Variants in EPHB1 observed in about 807,000 individuals in gnomAD.
EPHB1 encodes ephrin type-B receptor 1.
Under a neutral mutation model 94.4 loss-of-function variants are expected in EPHB1, and 30 were observed. That is an observed-to-expected ratio of 0.32 (90% CI 0.24 to 0.43). The LOEUF is 0.43. Ranked by LOEUF, EPHB1 falls within the 20% of genes least tolerant of loss-of-function variation. The pLI is 1.00. For synonymous variants in EPHB1, 522 were observed against 489.1 expected, an observed-to-expected ratio of 1.07 and a Z score of -0.89; for missense variants, 1,055 against 1,308.3, an observed-to-expected ratio of 0.81 and a Z score of 2.99.
intron 3 of EPHB1, among the ~76,000 whole-genome samples, chr3:135,015,861 A>G (rs1189043682): frequency 6.6e-6 from 1 of 152,160 alleles, no homozygotes; most frequent in Non-Finnish European, 1.5e-5. Context: ...CCACACATAG[A>G]GAAGTGGGAA....
chr3:134,988,518 C>A lies in EPHB1; in HGVS notation c.805+36466C>A, dbSNP rs922526909. Among the ~76,000 whole-genome samples the A allele has an allele frequency of 2.6e-5, 4 of 151,858 alleles. 1 individual carries two copies. Among genetic ancestry groups the A allele is most frequent in the Non-Finnish European group, 5.9e-5 (4 of 67,970 alleles). Reference sequence around the variant, plus strand: ...AATTGTGTCTTGAAATGCTAACGGCCCTAATAAGAGCATCCACAGTAAATG... The same window carrying A: ...AATTGTGTCTTGAAATGCTAACGGCACTAATAAGAGCATCCACAGTAAATG... On this transcript the variant is annotated intron_variant, in intron 3 of 15. Coordinates refer to ENST00000398015, the MANE Select transcript of EPHB1 (RefSeq NM_004441.5).
At chr3:135,065,795 G>A (rs114899942) in intron 3 of EPHB1, among the ~76,000 whole-genome samples, 5,952 of 152,256 alleles carry the variant, frequency 0.039, 162 homozygotes, top group East Asian at 0.14. Context: ...TATAGGTTCT[G>A]TGAGATTTAT....
At chr3:134,999,669 G>T (rs1935112296) in intron 3 of EPHB1, among the ~76,000 whole-genome samples, 2 of 152,200 alleles carry the variant, frequency 1.3e-5, no homozygotes, top group South Asian at 4.1e-4. Context: ...TTATGAAGAA[G>T]GAAAAAGAAG....
At chr3:135,190,045 C>A (rs1481564277) in intron 10 of EPHB1, among the ~76,000 whole-genome samples, 1 of 152,198 alleles carries the variant, frequency 6.6e-6, no homozygotes, top group Non-Finnish European at 1.5e-5. Flanking sequence ...CATGTCCCTG[C>A]CAACTGAAAC....
intron 3 of EPHB1, among the ~76,000 whole-genome samples, chr3:134,986,743 C>T (rs1477049710): frequency 6.6e-6 from 1 of 151,638 alleles, no homozygotes; most frequent in Non-Finnish European, 1.5e-5. Context: ...CACACACACA[C>T]ATCCCAAACA....
chr3:135,005,095 C>T lies in EPHB1; in HGVS notation c.805+53043C>T, dbSNP rs4585241. Among the ~76,000 whole-genome samples, 1,231 of 152,078 alleles carry T rather than the reference C, an allele frequency of 8.1e-3. 16 individuals carry two copies. The highest frequency in any genetic ancestry group is 0.028 in the African/African-American group (1,162 of 41,444). On this transcript the variant is annotated intron_variant, in intron 3 of 15. Coordinates refer to ENST00000398015, the MANE Select transcript of EPHB1 (RefSeq NM_004441.5). Reference sequence around the variant, plus strand: ...TTTTCCCCATCTTTGTGGTTTTATCCACTTTTGGTCTTTGATGATGGTGAT... The same window carrying T: ...TTTTCCCCATCTTTGTGGTTTTATCTACTTTTGGTCTTTGATGATGGTGAT...
intron 13 of EPHB1, among the ~76,000 whole-genome samples, chr3:135,245,386 A>G (rs930915292): frequency 2.0e-5 from 3 of 152,090 alleles, no homozygotes; most frequent in Admixed American, 1.3e-4. Flanking sequence ...AACACAGCCA[A>G]ATGGACCTGT....
At chr3:134,852,446 G>A (rs569490777) in intron 1 of EPHB1, 1 of 152,290 alleles carries the variant, frequency 6.6e-6, no homozygotes, top group Non-Finnish European at 1.5e-5. Flanking sequence ...TCGCCTTTGA[G>A]CACCTCCTTC....
intron 12 of EPHB1, among the ~76,000 whole-genome samples, chr3:135,224,069 A>G (rs1430253189): frequency 6.6e-6 from 1 of 152,236 alleles, no homozygotes; most frequent in East Asian, 1.9e-4. Flanking sequence ...AGATACACAA[A>G]TATTATTGTG....
intron 3 of EPHB1, among the ~76,000 whole-genome samples, chr3:135,004,629 C>A (rs1289419074): frequency 6.6e-6 from 1 of 151,812 alleles, no homozygotes; most frequent in Non-Finnish European, 1.5e-5. Flanking sequence ...TTCACATAGT[C>A]CCATATTTCT....
chr3:135,145,864 A>G (rs1036485784), intron 5 of EPHB1, among the ~76,000 whole-genome samples: 1 of 152,178 alleles, frequency 6.6e-6, no homozygotes, highest in African/African-American at 2.4e-5. Flanking sequence ...TTCAAAGGCC[A>G]ATATTCATGT....
In EPHB1 at chr3:135,201,627, G is replaced by A. The variant is rs1942759409; in HGVS notation, c.2284G>A (p.Asp762Asn). 2.5e-6 allele frequency: 4 copies of A among 1,613,986 alleles called. No individual in the cohort carries two copies. The highest frequency in any genetic ancestry group is 3.4e-6 in the Non-Finnish European group (4 of 1,179,988). Residue 762 changes from aspartate (D) to asparagine (N), a missense_variant, in exon 12 of 16, where the codon GAC (aspartate) becomes AAC (asparagine). Physicochemically the swap from Asp to Asn is conservative, Grantham distance 23. Coordinates refer to ENST00000398015, the MANE Select transcript of EPHB1 (RefSeq NM_004441.5). Reference sequence around the variant, plus strand: ...CAGTAACCTGGTGTGCAAGGTGTCCGACTTTGGCCTCTCCCGCTACCTCCA... The same window carrying A: ...CAGTAACCTGGTGTGCAAGGTGTCCAACTTTGGCCTCTCCCGCTACCTCCA... ...VNSNLVCKVS[D>N]FGLSRYLQDD...
chr3:135,201,511 G>A lies in EPHB1; in HGVS notation c.2168G>A (p.Gly723Asp), dbSNP rs765410243. The change falls in exon 12 of 16, where the codon GGT (glycine) becomes GAT (aspartate). Residue 723 changes from glycine to aspartate, a missense_variant. Coordinates refer to ENST00000398015, the MANE Select transcript of EPHB1 (RefSeq NM_004441.5). ...CAGTTCACCGTGATCCAGCTTGTGGGTATGCTCAGGGGCATCGCTGCTGGC... is the reference window on the plus strand; with the variant it reads ...CAGTTCACCGTGATCCAGCTTGTGGATATGCTCAGGGGCATCGCTGCTGGC... ...DGQFTVIQLV[G>D]MLRGIAAGMK... 1.2e-6 allele frequency: 2 copies of A among 1,613,878 alleles called. No homozygotes were observed. The highest frequency in any genetic ancestry group is 1.3e-5 in the African/African-American group (1 of 74,866).
rs1932956621 is a variant in EPHB1 at position 134,950,121 on chromosome 3, A to T, written c.124-1250A>T. ...TTTTCATCTGTAAATTGGGGATAAT[A>T]ATACCTGGTTCTGAAAGTTGCTGGG... On this transcript the variant is annotated intron_variant, in intron 2 of 15. Coordinates refer to ENST00000398015, the MANE Select transcript of EPHB1 (RefSeq NM_004441.5). Among the ~76,000 whole-genome samples the T allele has an allele frequency of 2.0e-5, 3 of 152,226 alleles. No homozygotes were observed. In the South Asian group the frequency reaches 6.2e-4, roughly 32 times the overall value.
chr3:134,992,676 G>C (rs1934853808), intron 3 of EPHB1, among the ~76,000 whole-genome samples: 1 of 152,192 alleles, frequency 6.6e-6, no homozygotes, highest in Non-Finnish European at 1.5e-5. Context: ...AAAGGGAACA[G>C]AGTGTGTAGA....
chr3:135,150,255 GT>G (rs1941152682), intron 5 of EPHB1, among the ~76,000 whole-genome samples: 1 of 152,328 alleles, frequency 6.6e-6, no homozygotes, highest in Admixed American at 6.5e-5. Context: ...TTCACAACAT[GT>G]AAATTGTGCC....
chr3:135,084,366 A>AAGACAGTG (rs1331789344), intron 3 of EPHB1, among the ~76,000 whole-genome samples: 1 of 152,088 alleles, frequency 6.6e-6, no homozygotes, highest in African/African-American at 2.4e-5. Flanking sequence ...CAGCCTAGAA[A>AAGACAGTG]AGACAGTGCT....
chr3:134,854,665 G>A (rs764318214), intron 1 of EPHB1, among the ~76,000 whole-genome samples: 1 of 152,032 alleles, frequency 6.6e-6, no homozygotes, highest in East Asian at 1.9e-4. Context: ...TGTGGACCCC[G>A]TGACCCGTGT....
At chr3:134,950,161 T>A (rs2107714518) in intron 2 of EPHB1, among the ~76,000 whole-genome samples, 1 of 152,366 alleles carries the variant, frequency 6.6e-6, no homozygotes, top group Admixed American at 6.5e-5. Context: ...GTGAAAGACA[T>A]CACTTAATAC....
Sources: allele counts gnomAD v4.1 joint callset (sites outside exome capture counted in the v4.1 genomes callset), GRCh38; gene constraint gnomAD v4.1.1; transcripts MANE v1.5; gene names NCBI Gene and HGNC (gene_info 2026-07-23, HGNC 2026-07-21).